Variants in METTL15 observed in about 807,000 individuals in gnomAD.
METTL15 encodes methyltransferase 15, mitochondrial 12S rRNA N4-cytidine.
Under a neutral mutation model 38.3 loss-of-function variants are expected in METTL15, and 34 were observed. The ratio of observed to expected loss-of-function variants is 0.89; its 90% confidence interval spans 0.68 to 1.18. The LOEUF is 1.18. Among genes scored for constraint, METTL15 ranks in the 50% most tolerant of loss-of-function variants. The pLI is 0.00. For missense variants in METTL15, 438 were observed against 498.4 expected (o/e 0.88, Z 1.15); for synonymous variants, 162 against 170.9 (o/e 0.95, Z 0.41).
At chr11:28,305,746 GAA>G (rs979714934) in intron 6 of METTL15, among the ~76,000 whole-genome samples, 1 of 151,952 alleles carries the variant, frequency 6.6e-6, no homozygotes, top group African/African-American at 2.4e-5. Context: ...TGAGAACCCA[GAA>G]AAAAGAGAAA....
intron 6 of METTL15, 30 bp downstream of exon 6, chr11:28,296,961 A>G (rs762273428): frequency 1.2e-6 from 2 of 1,611,760 alleles, no homozygotes; most frequent in Non-Finnish European, 8.5e-7. Context: ...ACAGTGTCTA[A>G]GAGAAAAAAT....
chr11:28,172,397 T>C (rs1427108138), intron 3 of METTL15, among the ~76,000 whole-genome samples: 6 of 152,162 alleles, frequency 3.9e-5, no homozygotes, highest in African/African-American at 9.6e-5. Context: ...GCAACTTAGC[T>C]TCAAAAGCAT....
At chr11:28,446,487 CAG>C (rs1851076356) in intron 6 of METTL15, among the ~76,000 whole-genome samples, 1 of 152,026 alleles carries the variant, frequency 6.6e-6, no homozygotes, top group Non-Finnish European at 1.5e-5. Context: ...TCATTCTGTA[CAG>C]AGAGTTATAT....
chr11:28,243,153 G>T (rs1034235314), intron 4 of METTL15, among the ~76,000 whole-genome samples: 2 of 151,792 alleles, frequency 1.3e-5, no homozygotes, highest in Non-Finnish European at 2.9e-5. Flanking sequence ...ACTTTTAGAT[G>T]ATTTTAAAGA....
intron 4 of METTL15, among the ~76,000 whole-genome samples, chr11:28,240,036 G>A (rs572840662): frequency 6.6e-6 from 1 of 152,160 alleles, no homozygotes; most frequent in Admixed American, 6.5e-5. Flanking sequence ...ATAAATATTT[G>A]CTGAAAGAGT....
rs1341348217 is a variant in METTL15, at chr11:28,194,144, C to CTTTCTTTCTTTCTTTCTTTCT, written c.271-16915_271-16895dup. Among the ~76,000 whole-genome samples the CTTTCTTTCTTTCTTTCTTTCT allele has an allele frequency of 2.6e-5, 3 of 114,266 alleles. No homozygotes were observed. In the East Asian group the frequency reaches 8.6e-4, roughly 33 times the overall value. The allele number at this position is 114,266 out of a possible 152,430, so 75.0% of individuals were successfully genotyped here. A position where few individuals can be genotyped will look rare whatever the true frequency, so the allele number is the denominator to read the frequency against. On this transcript the variant is annotated intron_variant, in intron 3 of 6. Transcript: ENST00000407364. Reference sequence around the variant, plus strand: ...TTGATCTTTCTTTCTTTCTTTCTTTCTTTCTTTCTTTCTTTCTTTCTTTCT... The same window carrying CTTTCTTTCTTTCTTTCTTTCT: ...TTGATCTTTCTTTCTTTCTTTCTTTCTTTCTTTCTTTCTTTCTTTCTTTTCTTTCTTTCTTTCTTTCTTTCT...
chr11:28,486,447 A>C (rs764489768), intron 6 of METTL15, among the ~76,000 whole-genome samples: 2 of 150,950 alleles, frequency 1.3e-5, no homozygotes, highest in Non-Finnish European at 3.0e-5. Flanking sequence ...TGTTCTGTCC[A>C]TTTCTAGAGA....
At chr11:28,412,422 A>C (rs1850736163) in intron 5 of METTL15, among the ~76,000 whole-genome samples, 1 of 151,790 alleles carries the variant, frequency 6.6e-6, no homozygotes, top group Admixed American at 6.6e-5. Context: ...AGAGACAGAG[A>C]GAGAGAGAGA....
intron 4 of METTL15, among the ~76,000 whole-genome samples, chr11:28,264,332 C>T (rs1166445338): frequency 6.6e-6 from 1 of 151,860 alleles, no homozygotes; most frequent in African/African-American, 2.4e-5. Flanking sequence ...ATTATTTCCC[C>T]TATTGATTAT....
chr11:28,501,120 A>G (rs1477573228), intron 6 of METTL15, among the ~76,000 whole-genome samples: 3 of 152,226 alleles, frequency 2.0e-5, no homozygotes, highest in Non-Finnish European at 4.4e-5. Context: ...TCAGTAATAG[A>G]CATCCTAAAT....
intron 6 of METTL15, among the ~76,000 whole-genome samples, chr11:28,496,439 A>T (rs1851536325): frequency 6.6e-6 from 1 of 152,234 alleles, no homozygotes; most frequent in South Asian, 2.1e-4. Flanking sequence ...CAGACAAACC[A>T]TATCAATGAG....
chr11:28,432,177 C>A (rs1850938261), intron 6 of METTL15, among the ~76,000 whole-genome samples: 1 of 152,028 alleles, frequency 6.6e-6, no homozygotes, highest in Non-Finnish European at 1.5e-5. Context: ...CTGACATGGA[C>A]AAAAATGGTA....
At chr11:28,409,534 G>C (rs1277851486) in intron 5 of METTL15, among the ~76,000 whole-genome samples, 3 of 151,850 alleles carry the variant, frequency 2.0e-5, no homozygotes, top group Non-Finnish European at 4.4e-5. Context: ...ACAACAAATG[G>C]ATCAAAGCAG....
intron 4 of METTL15, among the ~76,000 whole-genome samples, chr11:28,226,499 C>A (rs966912569): frequency 3.3e-5 from 5 of 151,986 alleles, no homozygotes; most frequent in African/African-American, 1.2e-4. Context: ...CCCACATGAT[C>A]TAAGTTGTGT....
chr11:28,417,936 A>G (rs1256815128), intron 5 of METTL15, among the ~76,000 whole-genome samples: 1 of 152,190 alleles, frequency 6.6e-6, no homozygotes, highest in Non-Finnish European at 1.5e-5. Flanking sequence ...CTGCTTTATT[A>G]AATAGAACAT....
intron 6 of METTL15, among the ~76,000 whole-genome samples, chr11:28,451,673 A>AG (rs1851122074): frequency 6.6e-6 from 1 of 152,208 alleles, no homozygotes; most frequent in Non-Finnish European, 1.5e-5. Flanking sequence ...GCTAGCTTAT[A>AG]GTTCTTATTT....
intron 4 of METTL15, among the ~76,000 whole-genome samples, chr11:28,228,560 G>A (rs1246673433): frequency 6.6e-6 from 1 of 151,688 alleles, no homozygotes; most frequent in East Asian, 1.9e-4. Flanking sequence ...ATTAAGTATT[G>A]TTTCTAATGA....
chr11:28,375,464 G>C (rs1355009820), intron 5 of METTL15, among the ~76,000 whole-genome samples: 1 of 151,660 alleles, frequency 6.6e-6, no homozygotes, highest in Non-Finnish European at 1.5e-5. Flanking sequence ...AGAGGTGTTT[G>C]TAGTATTCTC....
intron 3 of METTL15, among the ~76,000 whole-genome samples, chr11:28,140,236 A>G (rs567762669): frequency 2.6e-5 from 4 of 152,212 alleles, no homozygotes; most frequent in Non-Finnish European, 5.9e-5. Flanking sequence ...ACCTAGTAGT[A>G]TCTGCAGTTT....
Sources: allele counts gnomAD v4.1 joint callset (sites outside exome capture counted in the v4.1 genomes callset), GRCh38; gene constraint gnomAD v4.1.1; transcripts MANE v1.5; gene names NCBI Gene and HGNC (gene_info 2026-07-23, HGNC 2026-07-21).